Variants in RAB6A observed in about 807,000 individuals in gnomAD.
RAB6A encodes ras-related protein Rab-6A.
A neutral mutation model predicts 32.3 loss-of-function variants in RAB6A; 8 were observed. The observed-to-expected ratio is 0.25, with a 90% CI of 0.15 to 0.45. RAB6A has a LOEUF of 0.45. Ranked by LOEUF, RAB6A falls within the 20% of genes least tolerant of loss-of-function variation. RAB6A has a pLI of 1.00. For missense variants in RAB6A, 104 were observed against 249.4 expected, an observed-to-expected ratio of 0.42 and a Z score of 3.93; for synonymous variants, 73 against 82.1, an observed-to-expected ratio of 0.89 and a Z score of 0.60.
At chr11:73,678,765 G>T (rs866749111) in intron 7 of RAB6A, among the ~76,000 whole-genome samples, 36 of 149,710 alleles carry the variant, frequency 2.4e-4, no homozygotes, top group Admixed American at 2.7e-4. Context: ...CGATCCTGTT[G>T]CCCAGGCTGG....
chr11:73,727,824 A>G (rs1339068476), intron 2 of RAB6A, among the ~76,000 whole-genome samples: 1 of 152,236 alleles, frequency 6.6e-6, no homozygotes, highest in Non-Finnish European at 1.5e-5. Context: ...GACAGCCTTA[A>G]TCAGATTAAC....
At chr11:73,745,299 T>G (rs1346107202) in intron 1 of RAB6A, among the ~76,000 whole-genome samples, 1 of 152,212 alleles carries the variant, frequency 6.6e-6, no homozygotes, top group Non-Finnish European at 1.5e-5. Flanking sequence ...ACTGAATGAA[T>G]TAATTAACCA....
At chr11:73,700,054 TTC>T (rs1945716173) in intron 6 of RAB6A, among the ~76,000 whole-genome samples, 2 of 152,220 alleles carry the variant, frequency 1.3e-5, no homozygotes, top group African/African-American at 4.8e-5. Context: ...CAAACAAATC[TTC>T]TTTTTATGAT....
intron 6 of RAB6A, among the ~76,000 whole-genome samples, chr11:73,698,934 C>T (rs1006065993): frequency 2.0e-5 from 3 of 150,858 alleles, no homozygotes; most frequent in African/African-American, 7.3e-5. Context: ...TCACTCCAAC[C>T]TCCGCCTCCC....
intron 1 of RAB6A, among the ~76,000 whole-genome samples, chr11:73,734,689 G>A (rs909453281): frequency 5.9e-5 from 9 of 152,268 alleles, no homozygotes; most frequent in Admixed American, 5.2e-4. Flanking sequence ...GCTCCTATGA[G>A]AATCTAATGC....
chr11:73,753,297 T>G (rs950318020), intron 1 of RAB6A, among the ~76,000 whole-genome samples: 2 of 152,088 alleles, frequency 1.3e-5, no homozygotes, highest in Middle Eastern at 3.4e-3. Flanking sequence ...CCTCCCGGGC[T>G]CAAGTGACTC....
chr11:73,726,313 T>C (rs1590867397), intron 2 of RAB6A, among the ~76,000 whole-genome samples: 1 of 144,454 alleles, frequency 6.9e-6, no homozygotes, highest in Non-Finnish European at 1.5e-5. Context: ...CCAGGCACAG[T>C]GGCTCACGCC....
At chr11:73,704,139 T>C in intron 6 of RAB6A, 1 of 388,770 alleles carries the variant, frequency 2.6e-6, no homozygotes, top group Non-Finnish European at 5.3e-6. Context: ...TCTCGAAATC[T>C]TCGAGGCCAA....
chr11:73,711,427 A>G (rs978248257), intron 5 of RAB6A, among the ~76,000 whole-genome samples: 13 of 152,230 alleles, frequency 8.5e-5, no homozygotes, highest in Non-Finnish European at 7.3e-5. Context: ...CCATAGTAAT[A>G]TATACATTCT....
intron 1 of RAB6A, among the ~76,000 whole-genome samples, chr11:73,757,275 C>T (rs1050357454): frequency 6.7e-6 from 1 of 149,422 alleles, no homozygotes; most frequent in Non-Finnish European, 1.5e-5. Flanking sequence ...TCCTGAGTAG[C>T]TGGGATTACA....
At chr11:73,712,345 T>C (rs1945969514) in intron 5 of RAB6A, among the ~76,000 whole-genome samples, 1 of 150,682 alleles carries the variant, frequency 6.6e-6, no homozygotes, top group Admixed American at 6.7e-5. Context: ...ACTGGGTCTG[T>C]TCCTAGCTTT....
chr11:73,750,488 T>C (rs1358609770), intron 1 of RAB6A, among the ~76,000 whole-genome samples: 1 of 152,104 alleles, frequency 6.6e-6, no homozygotes, highest in African/African-American at 2.4e-5. Flanking sequence ...CCAGGGCAGC[T>C]GGGATTATAG....
chr11:73,717,450 G>C (rs1946068583), intron 4 of RAB6A, among the ~76,000 whole-genome samples: 1 of 152,192 alleles, frequency 6.6e-6, no homozygotes. Flanking sequence ...TTTTGTTGTT[G>C]TTGTTGTAGT....
intron 6 of RAB6A, among the ~76,000 whole-genome samples, chr11:73,681,261 T>C (rs1428061739): frequency 6.6e-6 from 1 of 152,202 alleles, no homozygotes; most frequent in Non-Finnish European, 1.5e-5. Context: ...TACAATGTGA[T>C]GCTACAAACA....
intron 1 of RAB6A, among the ~76,000 whole-genome samples, chr11:73,736,809 G>GAAAAAAA (rs756237159): frequency 1.4e-4 from 15 of 108,756 alleles, no homozygotes; most frequent in Admixed American, 2.3e-4. Flanking sequence ...AAAAAAAAAA[G>GAAAAAAA]AAAAAAAAAA....
chr11:73,712,299 T>C (rs530501168), intron 5 of RAB6A, among the ~76,000 whole-genome samples: 1 of 152,170 alleles, frequency 6.6e-6, no homozygotes. Flanking sequence ...CCCCAGTGAT[T>C]TGAGGTACCA....
rs188517350 is a variant in RAB6A, at chr11:73,682,222, C to G, written c.496-2502G>C. The stretch of plus-strand genomic sequence containing the variant: ...CTTGTAATCCTAGCTACTTGGAAGC[C>G]TGGGGTGGGAAAATCAAGCAATTGA... On this transcript the variant is annotated intron_variant, in intron 6 of 7. Transcript: ENST00000336083. 1.9e-3 allele frequency among the ~76,000 whole-genome samples: 288 copies of G among 152,114 alleles called. 3 individuals are homozygous for G. The highest frequency in any genetic ancestry group is 6.8e-3 in the African/African-American group (284 of 41,472).
intron 1 of RAB6A, among the ~76,000 whole-genome samples, chr11:73,737,966 G>A (rs994453675): frequency 3.1e-5 from 4 of 130,506 alleles, no homozygotes; most frequent in African/African-American, 1.2e-4. Flanking sequence ...ATGCACTCCA[G>A]CCTGGGCAAC....
rs1439082655 is a variant in RAB6A at position 73,739,545 on chromosome 11, T to C, written c.71-8722A>G. ...GGCTGGAGTGCAGTGACACCAATCA[T>C]GGCTCACTGCAGTGCCAAGTCCTTG... On this transcript the variant is annotated intron_variant, in intron 1 of 7. Transcript: ENST00000336083. Among the ~76,000 whole-genome samples, 4 of 151,338 alleles carry C rather than the reference T, an allele frequency of 2.6e-5. No homozygotes were observed. In the Admixed American group the frequency reaches 2.7e-4, roughly 10 times the overall value.
Sources: gnomAD v4.1 joint callset for allele counts (sites outside exome capture counted in the v4.1 genomes callset) on GRCh38, gnomAD v4.1.1 for gene constraint, MANE v1.5 for transcripts, NCBI Gene and HGNC (gene_info 2026-07-23, HGNC 2026-07-21) for gene names.